GALNT13: variants seen among roughly 807,000 people sequenced by gnomAD.
GALNT13 encodes the protein polypeptide N-acetylgalactosaminyltransferase 13.
Under a neutral mutation model 64.2 loss-of-function variants are expected in GALNT13, and 28 were observed. The observed-to-expected ratio is 0.44, with a 90% CI of 0.32 to 0.60. GALNT13 has a LOEUF of 0.60. Ranked by LOEUF, GALNT13 falls within the 20% of genes least tolerant of loss-of-function variation. GALNT13 has a pLI of 0.05. For missense variants in GALNT13, 577 were observed against 669.8 expected (o/e 0.86, Z 1.53); for synonymous variants, 214 against 224.6 (o/e 0.95, Z 0.42).
chr2:153,248,671 C>T, the GALNT13 span, among the ~76,000 whole-genome samples: 2 of 151,878 alleles, frequency 1.3e-5, no homozygotes, highest in East Asian at 3.9e-4. Flanking sequence ...AAAAAATTAG[C>T]TGGGCGTGGT....
the GALNT13 span, among the ~76,000 whole-genome samples, chr2:153,639,053 TG>T: frequency 9.7e-5 from 7 of 72,440 alleles, no homozygotes; most frequent in African/African-American, 4.8e-4. Flanking sequence ...TGTTTTGTTT[TG>T]TTTTGTTTTG....
chr2:153,615,997 A>C, the GALNT13 span, among the ~76,000 whole-genome samples: 1 of 152,068 alleles, frequency 6.6e-6, no homozygotes, highest in African/African-American at 2.4e-5. Flanking sequence ...ATTACTCAAG[A>C]AATTCTTGCT....
intron 9 of GALNT13, among the ~76,000 whole-genome samples, chr2:154,351,682 C>CAAAAAAAAAAAAAAAAAAAAAAAA (rs567606376): frequency 6.7e-5 from 3 of 44,668 alleles, no homozygotes; most frequent in Non-Finnish European, 7.5e-5. Context: ...GACTCCGTCT[C>CAAAAAAAAAAAAAAAAAAAAAAAA]AAAAAAAAAA....
the GALNT13 span, among the ~76,000 whole-genome samples, chr2:153,853,422 A>C: frequency 6.6e-6 from 1 of 152,204 alleles, no homozygotes; most frequent in African/African-American, 2.4e-5. Context: ...TATTTATAAT[A>C]GTCAAAAACT....
chr2:154,058,969 G>A (rs932902200), intron 3 of GALNT13, among the ~76,000 whole-genome samples: 2 of 152,194 alleles, frequency 1.3e-5, no homozygotes, highest in African/African-American at 2.4e-5. Context: ...AGTAATCCAG[G>A]CAAGAGAAGA....
chr2:154,161,564 G>A (rs937772657), intron 4 of GALNT13, among the ~76,000 whole-genome samples: 1 of 152,052 alleles, frequency 6.6e-6, no homozygotes, highest in African/African-American at 2.4e-5. Flanking sequence ...GAGTAGCATC[G>A]GAGAGTAAGG....
chr2:154,084,192 G>A (rs1270137673), intron 3 of GALNT13, among the ~76,000 whole-genome samples: 1 of 151,720 alleles, frequency 6.6e-6, no homozygotes, highest in African/African-American at 2.4e-5. Flanking sequence ...ATTGTAAAAG[G>A]TTAAAGAACT....
chr2:154,408,974 T>C lies in GALNT13; in HGVS notation c.1297-10T>C, dbSNP rs1391903379. The C allele has an allele frequency of 6.4e-7, 1 of 1,571,330 alleles. No homozygotes were observed. The highest frequency in any genetic ancestry group is 1.7e-5 in the Admixed American group (1 of 59,050). On this transcript the variant is annotated splice_polypyrimidine_tract_variant and intron_variant, in intron 10 of 12. Transcript: ENST00000392825. ...TGTTTTATCCCCCCCCTTTTGTGTG[T>C]TTCCTTTAGATAAGAAATGTTGAAA...
intron 1 of GALNT13, among the ~76,000 whole-genome samples, chr2:153,895,588 G>A (rs1170763841): frequency 6.6e-6 from 1 of 152,004 alleles, no homozygotes; most frequent in Non-Finnish European, 1.5e-5. Context: ...GGTCAAGTTG[G>A]GGCATCAGCA....
At chr2:154,072,886 T>A (rs1197268236) in intron 3 of GALNT13, among the ~76,000 whole-genome samples, 1 of 152,036 alleles carries the variant, frequency 6.6e-6, no homozygotes, top group Non-Finnish European at 1.5e-5. Context: ...ATTTCCTGCA[T>A]ACCTCAGGGA....
intron 11 of GALNT13, among the ~76,000 whole-genome samples, chr2:154,416,651 T>G (rs1700019397): frequency 6.6e-6 from 1 of 152,306 alleles, no homozygotes; most frequent in East Asian, 1.9e-4. Flanking sequence ...GCTAGCTTTT[T>G]GGGGGATCAT....
intron 11 of GALNT13, chr2:154,436,231 A>T (rs1049020939): frequency 6.6e-6 from 1 of 152,194 alleles, no homozygotes; most frequent in Non-Finnish European, 1.5e-5. Flanking sequence ...ATTTATATAC[A>T]CATATAAGTG....
rs1212623097 is a variant in GALNT13 at position 154,290,283 on chromosome 2, A to C, written c.976-11126A>C. ...AGGTGCAGGGAATGCCTACTTTTCC[A>C]TTCAGGAATGAAGAGGTCCTCCAGT... On this transcript the variant is annotated intron_variant, in intron 8 of 12. Transcript: ENST00000392825. Among the ~76,000 whole-genome samples, 3 of 152,338 alleles carry C rather than the reference A, an allele frequency of 2.0e-5. No homozygotes were observed. In the East Asian group the frequency reaches 5.8e-4, roughly 29 times the overall value.
At chr2:153,263,458 A>C in the GALNT13 span, among the ~76,000 whole-genome samples, 126,320 of 152,040 alleles carry the variant, frequency 0.83, 53,733 homozygotes, top group African/African-American at 0.93. Context: ...TTTAAAATGC[A>C]TATGAAACCA....
chr2:153,605,933 G>T, the GALNT13 span, among the ~76,000 whole-genome samples: 1 of 152,080 alleles, frequency 6.6e-6, no homozygotes, highest in Non-Finnish European at 1.5e-5. Flanking sequence ...ATTTGGCAGG[G>T]AGGGTCTGTG....
intron 4 of GALNT13, among the ~76,000 whole-genome samples, chr2:154,167,359 T>C (rs573773747): frequency 1.7e-4 from 26 of 152,246 alleles, no homozygotes; most frequent in African/African-American, 5.3e-4. Flanking sequence ...TAGGCACATA[T>C]AGCACTTTTA....
the GALNT13 span, among the ~76,000 whole-genome samples, chr2:153,530,510 A>C: frequency 6.6e-6 from 1 of 152,160 alleles, no homozygotes; most frequent in Non-Finnish European, 1.5e-5. Flanking sequence ...TCAAAAAAGT[A>C]GAAAAAACAA....
At chr2:153,447,601 C>T in the GALNT13 span, among the ~76,000 whole-genome samples, 1 of 152,094 alleles carries the variant, frequency 6.6e-6, no homozygotes, top group Non-Finnish European at 1.5e-5. Flanking sequence ...ATATGCCTTA[C>T]CATATAATAA....
At chr2:153,394,785 T>A in the GALNT13 span, among the ~76,000 whole-genome samples, 1 of 152,204 alleles carries the variant, frequency 6.6e-6, no homozygotes, top group South Asian at 2.1e-4. Context: ...GTGTAAATAC[T>A]ACCATACATT....
Sources: allele counts gnomAD v4.1 joint callset (sites outside exome capture counted in the v4.1 genomes callset), GRCh38; gene constraint gnomAD v4.1.1; transcripts MANE v1.5; gene names NCBI Gene and HGNC (gene_info 2026-07-23, HGNC 2026-07-21).